DDC: variants seen among roughly 807,000 people sequenced by gnomAD.
The protein encoded by DDC is dopa decarboxylase, also known as aromatic-L-amino-acid decarboxylase.
In DDC, 43 loss-of-function variants were observed where a neutral mutation model predicts 60.0. The observed-to-expected ratio is 0.72, with a 90% CI of 0.56 to 0.92. DDC has a LOEUF of 0.92. DDC is among the 40% of genes least tolerant of loss of function. The pLI is 0.00. For missense variants in DDC, 573 were observed against 620.2 expected, an observed-to-expected ratio of 0.92 and a Z score of 0.81; for synonymous variants, 232 against 234.6, an observed-to-expected ratio of 0.99 and a Z score of 0.10.
intron 1 of DDC, among the ~76,000 whole-genome samples, chr7:50,545,245 G>A (rs193065834): frequency 1.6e-4 from 25 of 152,322 alleles, no homozygotes; most frequent in Admixed American, 4.6e-4. Flanking sequence ...ACATATGTAC[G>A]TCCCTGAGTG....
chr7:50,512,348 C>A (rs1441649566), intron 6 of DDC, among the ~76,000 whole-genome samples: 1 of 152,162 alleles, frequency 6.6e-6, no homozygotes, highest in Non-Finnish European at 1.5e-5. Flanking sequence ...GAGTAGGAAG[C>A]ACCAGGAAAT....
At position 50,486,531 on chromosome 7, in the gene DDC, T is replaced by A. The variant is rs74706604; in HGVS notation, c.945-6668A>T. Among the ~76,000 whole-genome samples, 406 of 152,314 alleles carry A rather than the reference T, an allele frequency of 2.7e-3. 2 individuals are homozygous for A. Among genetic ancestry groups the A allele is most frequent in the African/African-American group, 9.3e-3 (385 of 41,576 alleles). ...TTAAAATAAGCTGACCTGGTTTAAA[T>A]CCTTAGATATGAGGCTTATGGCTTT... On this transcript the variant is annotated intron_variant, in intron 9 of 14. Transcript: ENST00000444124.
Position 50,472,372 on chromosome 7 carries a change from G to C in DDC, c.1042-2201C>G, listed in dbSNP as rs77141755. Among the ~76,000 whole-genome samples, 298 of 152,316 alleles carry C rather than the reference G, an allele frequency of 2.0e-3. 1 individual carries two copies. Among genetic ancestry groups the C allele is most frequent in the African/African-American group, 6.9e-3 (288 of 41,562 alleles). On this transcript the variant is annotated intron_variant, in intron 11 of 14. Transcript: ENST00000444124. ...ATCTGAAAGGATTCTTTATGTAGAA[G>C]TCAATTCATATTTGATGCTTCCCGG... is the stretch of plus-strand genomic sequence containing the variant.
intron 1 of DDC, among the ~76,000 whole-genome samples, chr7:50,563,371 A>G (rs1342545683): frequency 6.6e-6 from 1 of 152,122 alleles, no homozygotes; most frequent in Non-Finnish European, 1.5e-5. Context: ...TTGATTCCAT[A>G]TATGTCCAAT....
At chr7:50,545,274 G>A (rs1027742286) in intron 1 of DDC, among the ~76,000 whole-genome samples, 7 of 152,178 alleles carry the variant, frequency 4.6e-5, no homozygotes, top group Non-Finnish European at 7.3e-5. Flanking sequence ...AGCACCATGA[G>A]TATTGATATT....
At chr7:50,471,058 G>T (rs558950097) in intron 11 of DDC, among the ~76,000 whole-genome samples, 1 of 152,300 alleles carries the variant, frequency 6.6e-6, no homozygotes, top group Non-Finnish European at 1.5e-5. Flanking sequence ...CCTGAGTCCC[G>T]CACTGCTCCC....
intron 13 of DDC, among the ~76,000 whole-genome samples, chr7:50,465,140 G>A (rs963020027): frequency 6.6e-6 from 1 of 152,130 alleles, no homozygotes; most frequent in East Asian, 1.9e-4. Context: ...TAACCTTGAC[G>A]ACATTATGCT....
intron 11 of DDC, among the ~76,000 whole-genome samples, chr7:50,471,831 C>T (rs2042539788): frequency 6.6e-6 from 1 of 152,180 alleles, no homozygotes; most frequent in Non-Finnish European, 1.5e-5. Context: ...CTTATCCCAC[C>T]ACTAGCTGAC....
chr7:50,504,127 G>A (rs1394434404), intron 6 of DDC, 68 bp from the exon 7 acceptor site: 2 of 1,112,112 alleles, frequency 1.8e-6, no homozygotes, highest in African/African-American at 1.5e-5. Flanking sequence ...CTCCACACAA[G>A]CAACTGCTGC....
Position 50,458,749 on chromosome 7 carries a change from G to A in DDC, c.*113C>T, listed in dbSNP as rs2042178275. ...CTGGATAACTTTGGAGAAAGACATG[G>A]GAAGCCACAGACAGCTGAGTTCCAT... On this transcript the variant is annotated 3_prime_UTR_variant, in exon 15 of 15. Coordinates refer to ENST00000444124, the MANE Select transcript of DDC (RefSeq NM_001082971.2). The A allele has an allele frequency of 6.6e-6, 1 of 152,086 alleles. No individual in the cohort carries two copies. The highest frequency in any genetic ancestry group is 2.1e-4 in the South Asian group (1 of 4,830). 9.4% of individuals were successfully genotyped at this position (152,086 alleles called of 1,614,324 possible).
chr7:50,499,718 T>C (rs1334607525), intron 7 of DDC, among the ~76,000 whole-genome samples: 1 of 152,176 alleles, frequency 6.6e-6, no homozygotes, highest in Non-Finnish European at 1.5e-5. Flanking sequence ...CCAGGTGAAG[T>C]TCTTTACTTT....
chr7:50,471,623 C>T (rs1192333387), intron 11 of DDC, among the ~76,000 whole-genome samples: 2 of 152,116 alleles, frequency 1.3e-5, no homozygotes, highest in Non-Finnish European at 2.9e-5. Flanking sequence ...GCACTGTAAA[C>T]AAGGGTTCGG....
intron 6 of DDC, among the ~76,000 whole-genome samples, chr7:50,509,267 A>G (rs1000639818): frequency 6.6e-6 from 1 of 152,202 alleles, no homozygotes. Flanking sequence ...TGTGGCTTCT[A>G]TCAGCAGAAT....
intron 9 of DDC, among the ~76,000 whole-genome samples, chr7:50,484,698 C>G (rs906143685): frequency 1.3e-5 from 2 of 152,178 alleles, no homozygotes; most frequent in African/African-American, 4.8e-5. Flanking sequence ...GCACCAAAGT[C>G]ACCTCACATG....
At position 50,543,916 on chromosome 7, in the gene DDC, A is replaced by G; in HGVS notation, c.170T>C (p.Ile57Thr). The G allele has an allele frequency of 6.2e-7, 1 of 1,614,142 alleles. No homozygotes were observed. The highest frequency in any genetic ancestry group is 8.5e-7 in the Non-Finnish European group (1 of 1,180,034). The change falls in exon 2 of 15, where the codon ATC becomes ACC. Residue 57 changes from isoleucine to threonine, a missense_variant. Transcript: ENST00000444124. Reference protein sequence around the residue: ...PQEPDTFEDIINDVEKIIMPG... With the variant: ...PQEPDTFEDITNDVEKIIMPG... ...CATGATTATCTTCTCAACGTCGTTGATGATGTCCTCAAACGTGTCTGGCTC... is the reference window on the plus strand; with the variant it reads ...CATGATTATCTTCTCAACGTCGTTGGTGATGTCCTCAAACGTGTCTGGCTC...
chr7:50,475,773 T>C (rs963472128), intron 11 of DDC, among the ~76,000 whole-genome samples: 4 of 151,710 alleles, frequency 2.6e-5, no homozygotes, highest in Non-Finnish European at 5.9e-5. Context: ...CACTGCAACC[T>C]CTGCCTCCCA....
chr7:50,484,816 T>G (rs2042847253), intron 9 of DDC, among the ~76,000 whole-genome samples: 1 of 152,166 alleles, frequency 6.6e-6, no homozygotes, highest in Admixed American at 6.5e-5. Flanking sequence ...AAAGCCTGGC[T>G]CCTTACGTTT....
chr7:50,468,793 G>A (rs961836479), intron 12 of DDC, among the ~76,000 whole-genome samples: 2 of 152,090 alleles, frequency 1.3e-5, no homozygotes, highest in African/African-American at 4.8e-5. Context: ...GGGGACCTCT[G>A]TCCATCAAGA....
In DDC at chr7:50,472,100, C is replaced by G. The variant is rs79623835; in HGVS notation, c.1042-1929G>C. Among the ~76,000 whole-genome samples, 462 of 152,238 alleles carry G rather than the reference C, an allele frequency of 3.0e-3. 3 individuals carry two copies. Among genetic ancestry groups the G allele is most frequent in the African/African-American group, 0.011 (441 of 41,548 alleles). On this transcript the variant is annotated intron_variant, in intron 11 of 14. Coordinates refer to ENST00000444124, the MANE Select transcript of DDC (RefSeq NM_001082971.2). ...CCAGAGACTGAATTCGATGCACTGT[C>G]CCCTCCCCCAATATGCTCCTGGGTG...
Sources: gnomAD v4.1 joint callset for allele counts (sites outside exome capture counted in the v4.1 genomes callset) on GRCh38, gnomAD v4.1.1 for gene constraint, MANE v1.5 for transcripts, NCBI Gene and HGNC (gene_info 2026-07-23, HGNC 2026-07-21) for gene names.